Variants in ATRNL1 observed in about 807,000 individuals in gnomAD.
ATRNL1 encodes attractin-like protein 1.
Under a neutral mutation model 182.7 loss-of-function variants are expected in ATRNL1, and 95 were observed. The ratio of observed to expected loss-of-function variants is 0.52; its 90% CI spans 0.44 to 0.62. ATRNL1 has a LOEUF of 0.62. Among genes scored for constraint, ATRNL1 ranks in the 20% least tolerant of loss-of-function variants. The probability of loss-of-function intolerance (pLI) is 0.00; values close to 1 mark genes in which losing one functional copy is unlikely to be tolerated. For missense variants in ATRNL1, 1,471 were observed against 1,679.5 expected, an observed-to-expected ratio of 0.88 and a Z score of 2.17; for synonymous variants, 576 against 568.3, an observed-to-expected ratio of 1.01 and a Z score of -0.19.
At position 115,093,459 on chromosome 10, in the gene ATRNL1, C is replaced by A; in HGVS notation, c.-292C>A. The A allele has an allele frequency of 1.8e-6, 1 of 556,568 alleles. No homozygotes were observed. Among genetic ancestry groups the A allele is most frequent in the Non-Finnish European group, 3.3e-6 (1 of 306,162 alleles). 34.5% of individuals were successfully genotyped at this position (556,568 alleles called of 1,614,324 possible). ...CAGGAGCGCCGGGCGCAGTCTGCGC[C>A]TCCCGCTCCCCGCCTCCGGCCGGGT... is the stretch of plus-strand genomic sequence containing the variant. On this transcript the variant is annotated 5_prime_UTR_variant, in exon 1 of 29. Transcript: ENST00000355044. The surrounding 1 kb of genome is among the most constrained non-coding windows in gnomAD (Gnocchi z 6.1).
chr10:115,467,617 T>G (rs1254160848), intron 23 of ATRNL1, among the ~76,000 whole-genome samples: 1 of 150,750 alleles, frequency 6.6e-6, no homozygotes, highest in African/African-American at 2.4e-5. Flanking sequence ...TTAACCTTAA[T>G]ATTTATATAA....
At chr10:115,773,177 G>C in intron 27 of ATRNL1, among the ~76,000 whole-genome samples, 1 of 152,266 alleles carries the variant, frequency 6.6e-6, no homozygotes, top group African/African-American at 2.4e-5. Context: ...ATATTAAAGG[G>C]AAGTGCACAT....
intron 1 of ATRNL1, among the ~76,000 whole-genome samples, chr10:115,111,942 T>C (rs1336237896): frequency 6.6e-6 from 1 of 152,034 alleles, no homozygotes; most frequent in Admixed American, 6.6e-5. Flanking sequence ...AGGACAACAG[T>C]AGTGGAAGAT....
intron 28 of ATRNL1, among the ~76,000 whole-genome samples, chr10:115,850,020 G>A (rs1025357608): frequency 2.6e-5 from 4 of 152,154 alleles, no homozygotes; most frequent in Admixed American, 2.6e-4. Flanking sequence ...ACATAATTCA[G>A]AATGAGCTTG....
At chr10:115,723,534 G>GTATTTATTTATTTATTTATTTATTTATT (rs112343950) in intron 26 of ATRNL1, among the ~76,000 whole-genome samples, 3 of 148,118 alleles carry the variant, frequency 2.0e-5, no homozygotes, top group African/African-American at 2.5e-5. Context: ...CTTTTCTTTT[G>GTATTTATTTATTTATTTATTTATTTATT]TATTTATTTA....
intron 26 of ATRNL1, among the ~76,000 whole-genome samples, chr10:115,618,321 G>A (rs940848926): frequency 6.6e-6 from 1 of 151,718 alleles, no homozygotes; most frequent in Admixed American, 6.6e-5. Context: ...AATTTACTTG[G>A]GAATTTTTTA....
At chr10:115,443,344 T>G (rs1316398222) in intron 21 of ATRNL1, among the ~76,000 whole-genome samples, 1 of 152,056 alleles carries the variant, frequency 6.6e-6, no homozygotes, top group Admixed American at 6.5e-5. Context: ...CTTCATCCTT[T>G]CAGTCTGTGG....
chr10:115,562,517 G>A (rs1427208562), intron 26 of ATRNL1, among the ~76,000 whole-genome samples: 1 of 152,116 alleles, frequency 6.6e-6, no homozygotes, highest in Non-Finnish European at 1.5e-5. Context: ...GTTTGGCTGT[G>A]TCCCACCCAA....
chr10:115,668,150 T>A (rs1555040282), intron 26 of ATRNL1, among the ~76,000 whole-genome samples: 1 of 152,082 alleles, frequency 6.6e-6, no homozygotes, highest in Admixed American at 6.6e-5. Flanking sequence ...TTGCTTTTGA[T>A]TTCTTGGTAA....
At chr10:115,172,977 T>C (rs1847353218) in intron 8 of ATRNL1, among the ~76,000 whole-genome samples, 1 of 151,900 alleles carries the variant, frequency 6.6e-6, no homozygotes, top group South Asian at 2.1e-4. Context: ...GGATGACTAT[T>C]TCATACCTTT....
In ATRNL1 at chr10:115,093,907, C is replaced by T. The variant is rs1554862383; in HGVS notation, c.157C>T (p.Leu53Phe). 2 of 1,598,316 alleles carry T rather than the reference C, an allele frequency of 1.3e-6. No individual in the cohort carries two copies. The highest frequency in any genetic ancestry group is 1.7e-6 in the Non-Finnish European group (2 of 1,174,084). Reference sequence around the variant, plus strand: ...GTGCTATGGCTTCCTCTACCTGGCGCTCTACGCGCAGGTGTCCCAGTCCAA... The same window carrying T: ...GTGCTATGGCTTCCTCTACCTGGCGTTCTACGCGCAGGTGTCCCAGTCCAA... ...LLCYGFLYLA[L>F]YAQVSQSKPC... is the part of the protein sequence containing the mutation. Residue 53 changes from leucine to phenylalanine, a missense_variant, in exon 1 of 29, where the codon CTC becomes TTC. Around this residue, in one of 3 missense-constraint regions of ATRNL1, gnomAD observed 1,031 missense variants for 1,156.0 expected, o/e 0.89. Transcript: ENST00000355044. This position sits in a 1 kb window ranked among gnomAD's most constrained non-coding sequence, Gnocchi z 6.1.
intron 25 of ATRNL1, among the ~76,000 whole-genome samples, chr10:115,548,461 G>C (rs1852792372): frequency 6.6e-6 from 1 of 152,140 alleles, no homozygotes; most frequent in South Asian, 2.1e-4. Flanking sequence ...TGAGAACCAG[G>C]TTTTTCTTGT....
chr10:115,124,237 A>G (rs1488426317), intron 3 of ATRNL1, among the ~76,000 whole-genome samples: 4 of 152,102 alleles, frequency 2.6e-5, no homozygotes, highest in Non-Finnish European at 4.4e-5. Flanking sequence ...TACTCTGACC[A>G]TCTGGCTACA....
intron 21 of ATRNL1, among the ~76,000 whole-genome samples, chr10:115,455,991 G>C (rs1554968633): frequency 2.6e-5 from 4 of 152,150 alleles, no homozygotes; most frequent in Admixed American, 2.0e-4. Context: ...AACAACAGAT[G>C]CTGGAGAGGA....
At chr10:115,817,339 A>G (rs1950188316) in intron 27 of ATRNL1, among the ~76,000 whole-genome samples, 1 of 152,150 alleles carries the variant, frequency 6.6e-6, no homozygotes, top group Non-Finnish European at 1.5e-5. Context: ...ATAAACATGG[A>G]TTACATTCCC....
intron 28 of ATRNL1, among the ~76,000 whole-genome samples, chr10:115,913,714 G>T (rs1490053108): frequency 6.6e-6 from 1 of 152,176 alleles, no homozygotes; most frequent in African/African-American, 2.4e-5. Flanking sequence ...GCAGCCTCCA[G>T]AGTGTAGGAC....
chr10:115,107,883 A>G (rs1400179288), intron 1 of ATRNL1, among the ~76,000 whole-genome samples: 1 of 152,176 alleles, frequency 6.6e-6, no homozygotes, highest in Non-Finnish European at 1.5e-5. Context: ...CAGATACTTG[A>G]GGCAGCACAG....
intron 8 of ATRNL1, among the ~76,000 whole-genome samples, chr10:115,180,190 A>AT (rs1369963189): frequency 2.6e-5 from 4 of 151,718 alleles, no homozygotes; most frequent in Non-Finnish European, 5.9e-5. Flanking sequence ...AAAATTGTTG[A>AT]TTTTTTTCAA....
chr10:115,276,011 C>A (rs782279677), intron 13 of ATRNL1, among the ~76,000 whole-genome samples: 1 of 152,076 alleles, frequency 6.6e-6, no homozygotes, highest in Non-Finnish European at 1.5e-5. Context: ...TTTGCCTGAT[C>A]CAACTTTATG....
Sources: gnomAD v4.1 joint callset for allele counts (sites outside exome capture counted in the v4.1 genomes callset) on GRCh38, gnomAD v4.1.1 for gene constraint, gnomAD v4.1.1 regional missense constraint, Gnocchi (gnomAD v3.1) non-coding constraint, MANE v1.5 for transcripts, NCBI Gene and HGNC (gene_info 2026-07-23, HGNC 2026-07-21) for gene names.